The following ATP10B variants were observed in gnomAD, a reference collection of about 807,000 sequenced individuals.
ATP10B encodes the protein phospholipid-transporting ATPase VB.
A neutral mutation model predicts 141.2 loss-of-function variants in ATP10B; 122 were observed. The observed-to-expected ratio is 0.86, with a 90% CI of 0.75 to 1.00. ATP10B has a LOEUF of 1.00. Ranked by LOEUF, ATP10B falls within the 50% of genes least tolerant of loss-of-function variation. The pLI is 0.00. For missense variants in ATP10B, 1,876 were observed against 1,825.3 expected, an observed-to-expected ratio of 1.03 and a Z score of -0.51; for synonymous variants, 685 against 692.0, an observed-to-expected ratio of 0.99 and a Z score of 0.16.
Position 160,664,696 on chromosome 5 carries a change from G to A in ATP10B, c.675+5767C>T, listed in dbSNP as rs115198148. Among the ~76,000 whole-genome samples the A allele has an allele frequency of 5.3e-3, 801 of 152,234 alleles. 6 individuals are homozygous for A. Among genetic ancestry groups the A allele is most frequent in the African/African-American group, 0.017 (720 of 41,546 alleles). ...TGATGCTTACTGAAGTGGCTAGTCC[G>A]CAGATCATACTTGGCATAGCAAGTT... is the stretch of plus-strand genomic sequence containing the variant. On this transcript the variant is annotated intron_variant, in intron 7 of 25. Transcript: ENST00000327245.
intron 1 of ATP10B, among the ~76,000 whole-genome samples, chr5:160,810,041 T>C (rs997859211): frequency 4.6e-5 from 7 of 152,214 alleles, no homozygotes; most frequent in African/African-American, 1.4e-4. Flanking sequence ...TTTGGATCTC[T>C]TGTTAACCTC....
the ATP10B span, among the ~76,000 whole-genome samples, chr5:160,887,010 A>G: frequency 3.9e-5 from 6 of 152,240 alleles, no homozygotes; most frequent in Admixed American, 3.3e-4. Flanking sequence ...TCTGTTTCAC[A>G]AGGAAATGTC....
At chr5:160,739,600 C>T (rs942573212) in intron 2 of ATP10B, among the ~76,000 whole-genome samples, 40 of 152,060 alleles carry the variant, frequency 2.6e-4, no homozygotes, top group Middle Eastern at 3.2e-3. Context: ...GTGCAAGGTC[C>T]GTGCACTAAC....
chr5:160,686,814 C>A (rs1306022539), intron 5 of ATP10B: 3 of 310,440 alleles, frequency 9.7e-6, no homozygotes, highest in Non-Finnish European at 1.4e-5. Flanking sequence ...GCATGATATA[C>A]AGCAGAGGGC....
At chr5:160,830,822 G>A (rs189892284) in intron 1 of ATP10B, among the ~76,000 whole-genome samples, 11 of 152,180 alleles carry the variant, frequency 7.2e-5, no homozygotes, top group Middle Eastern at 3.4e-3. Flanking sequence ...TTTTACCTGA[G>A]CTTGTGCTGG....
intron 2 of ATP10B, among the ~76,000 whole-genome samples, chr5:160,775,575 G>A (rs1581508750): frequency 6.6e-6 from 1 of 151,768 alleles, no homozygotes; most frequent in Non-Finnish European, 1.5e-5. Flanking sequence ...TTTAAACAAC[G>A]TAATGAACTA....
chr5:160,575,648 C>T (rs11953399), intron 24 of ATP10B, among the ~76,000 whole-genome samples: 2,200 of 152,028 alleles, frequency 0.014, 50 homozygotes, highest in African/African-American at 0.049. Flanking sequence ...TTTCATATAA[C>T]AACAACCCAC....
At chr5:160,615,220 T>A (rs1274239045) in intron 17 of ATP10B, among the ~76,000 whole-genome samples, 1 of 152,058 alleles carries the variant, frequency 6.6e-6, no homozygotes, top group Non-Finnish European at 1.5e-5. Flanking sequence ...CCTTCCATCA[T>A]TTCTCCCCAC....
intron 2 of ATP10B, among the ~76,000 whole-genome samples, chr5:160,785,143 A>G (rs192998590): frequency 3.9e-5 from 6 of 152,252 alleles, no homozygotes; most frequent in African/African-American, 1.2e-4. Flanking sequence ...TCTTGGTAAT[A>G]TTACTGATTT....
At chr5:160,621,398 G>T (rs1004758120) in intron 14 of ATP10B, among the ~76,000 whole-genome samples, 3 of 152,166 alleles carry the variant, frequency 2.0e-5, no homozygotes, top group Non-Finnish European at 2.9e-5. Context: ...GACTCCAGAG[G>T]CTGGGCTCTT....
intron 2 of ATP10B, among the ~76,000 whole-genome samples, chr5:160,751,395 ATGT>A (rs1768141417): frequency 6.6e-6 from 1 of 152,178 alleles, no homozygotes; most frequent in African/African-American, 2.4e-5. Context: ...GAGAAGCTTA[ATGT>A]TGTTTTTCCC....
chr5:160,839,673 A>C (rs1775696649), intron 1 of ATP10B, among the ~76,000 whole-genome samples: 1 of 152,148 alleles, frequency 6.6e-6, no homozygotes. Flanking sequence ...TCACCTATTA[A>C]AATAAAAAGA....
chr5:160,790,520 T>C (rs1487384239), intron 1 of ATP10B, among the ~76,000 whole-genome samples: 1 of 152,098 alleles, frequency 6.6e-6, no homozygotes, highest in Non-Finnish European at 1.5e-5. Flanking sequence ...TCCCAAGATA[T>C]ATGAGGTATC....
chr5:160,584,818 T>C (rs571970326), intron 24 of ATP10B, among the ~76,000 whole-genome samples: 1 of 152,326 alleles, frequency 6.6e-6, no homozygotes, highest in East Asian at 1.9e-4. Context: ...AGGATTTATC[T>C]TGCCTTACTC....
chr5:160,719,654 A>T (rs1561786646), intron 2 of ATP10B, among the ~76,000 whole-genome samples: 1 of 152,386 alleles, frequency 6.6e-6, no homozygotes, highest in East Asian at 1.9e-4. Flanking sequence ...TTGTTTGAAC[A>T]TAATCTCAAA....
At chr5:160,787,933 A>C (rs1402023087) in intron 1 of ATP10B, among the ~76,000 whole-genome samples, 1 of 152,186 alleles carries the variant, frequency 6.6e-6, no homozygotes, top group Non-Finnish European at 1.5e-5. Flanking sequence ...TCAATTAACA[A>C]TCCAGATTAC....
chr5:160,772,869 C>T (rs1411874745), intron 2 of ATP10B, among the ~76,000 whole-genome samples: 1 of 152,184 alleles, frequency 6.6e-6, no homozygotes, highest in African/African-American at 2.4e-5. Context: ...CTAACTGAAA[C>T]CCACAGTGTA....
At chr5:160,618,825 C>T (rs1258880492) in intron 15 of ATP10B, among the ~76,000 whole-genome samples, 1 of 150,482 alleles carries the variant, frequency 6.6e-6, no homozygotes, top group Non-Finnish European at 1.5e-5. Flanking sequence ...TAAAACTGAG[C>T]TAGGCTTCAG....
the ATP10B span, among the ~76,000 whole-genome samples, chr5:160,862,954 A>C: frequency 6.6e-6 from 1 of 152,042 alleles, no homozygotes; most frequent in Non-Finnish European, 1.5e-5. Flanking sequence ...TATGAATAAT[A>C]GTGATACAAA....
Sources: allele counts gnomAD v4.1 joint callset (sites outside exome capture counted in the v4.1 genomes callset), GRCh38; gene constraint gnomAD v4.1.1; transcripts MANE v1.5; gene names NCBI Gene and HGNC (gene_info 2026-07-23, HGNC 2026-07-21).